The following RELN variants were observed in gnomAD, a reference collection of about 807,000 sequenced individuals.
RELN encodes the protein reelin.
In RELN, 108 loss-of-function variants were observed where a neutral mutation model predicts 427.6. The ratio of observed to expected loss-of-function variants is 0.25; its 90% CI spans 0.22 to 0.30. RELN has a LOEUF of 0.30. RELN is among the 10% of genes least tolerant of loss of function. The pLI is 1.00. For missense variants in RELN, 3,715 were observed against 4,302.8 expected (o/e 0.86, Z 3.82); for synonymous variants, 1,524 against 1,513.4 (o/e 1.01, Z -0.16).
At chr7:103,913,353 C>T (rs1468680347) in intron 2 of RELN, among the ~76,000 whole-genome samples, 4 of 152,126 alleles carry the variant, frequency 2.6e-5, no homozygotes, top group Non-Finnish European at 5.9e-5. Flanking sequence ...CTTTACTCTG[C>T]CTTATTTGTC....
intron 6 of RELN, among the ~76,000 whole-genome samples, chr7:103,742,110 A>G (rs1428242464): frequency 6.6e-6 from 1 of 152,190 alleles, no homozygotes; most frequent in Admixed American, 6.5e-5. Context: ...AGGTTCACCA[A>G]TATTTGCTGT....
chr7:103,511,352 T>G (rs1287099451), intron 50 of RELN, among the ~76,000 whole-genome samples: 1 of 152,212 alleles, frequency 6.6e-6, no homozygotes, highest in Non-Finnish European at 1.5e-5. Context: ...AGAGATGATT[T>G]TTAATTTTAA....
chr7:103,570,760 G>A (rs934311210), intron 31 of RELN, among the ~76,000 whole-genome samples: 1 of 152,206 alleles, frequency 6.6e-6, no homozygotes, highest in Non-Finnish European at 1.5e-5. Context: ...CTGGAATGAG[G>A]ACCTCGGATG....
intron 63 of RELN, 125 bp downstream of exon 63, chr7:103,482,748 G>A (rs2116975294): frequency 6.4e-7 from 1 of 1,550,898 alleles, no homozygotes; most frequent in Non-Finnish European, 8.7e-7. Flanking sequence ...AAGAGTGTAA[G>A]CCAAAGTGCT....
At chr7:103,707,175 T>G (rs1438628215) in intron 8 of RELN, among the ~76,000 whole-genome samples, 1 of 152,068 alleles carries the variant, frequency 6.6e-6, no homozygotes, top group Non-Finnish European at 1.5e-5. Context: ...TTTTTTCCCT[T>G]CACCACCACC....
rs3757743 is a variant in RELN, at chr7:103,659,174, A to G, written c.1441+2202T>C. On this transcript the variant is annotated intron_variant, in intron 12 of 64. Coordinates refer to ENST00000428762, the MANE Select transcript of RELN (RefSeq NM_005045.4). ...AAGCAACATCAAAATATTCTATTCC[A>G]CACTTACTCTCTTATACATATATTT... is the stretch of plus-strand genomic sequence containing the variant. Among the ~76,000 whole-genome samples the G allele has an allele frequency of 2.0e-5, 3 of 152,068 alleles. No individual in the cohort carries two copies. The East Asian group carries it at 5.8e-4, about 30-fold the overall frequency.
chr7:103,907,926 T>C (rs1383236204), intron 2 of RELN, among the ~76,000 whole-genome samples: 3 of 151,986 alleles, frequency 2.0e-5, no homozygotes, highest in African/African-American at 7.3e-5. Context: ...ATGCATTAGG[T>C]ATTTGTATTA....
intron 1 of RELN, among the ~76,000 whole-genome samples, chr7:103,967,484 G>A (rs558768903): frequency 2.0e-5 from 3 of 152,266 alleles, no homozygotes; most frequent in South Asian, 2.1e-4. Flanking sequence ...CCCAGATGGA[G>A]CAGGCCTTTT....
chr7:103,861,441 T>C (rs1042655394), intron 2 of RELN, among the ~76,000 whole-genome samples: 2 of 152,104 alleles, frequency 1.3e-5, no homozygotes, highest in African/African-American at 2.4e-5. Context: ...TATTTGGAAA[T>C]AGGTAAATTT....
intron 31 of RELN, among the ~76,000 whole-genome samples, chr7:103,568,981 T>A (rs1830822087): frequency 6.6e-6 from 1 of 152,212 alleles, no homozygotes; most frequent in African/African-American, 2.4e-5. Flanking sequence ...TCTTTGACAC[T>A]CTTCCGTTCA....
At chr7:103,762,382 T>A (rs1468626426) in intron 4 of RELN, among the ~76,000 whole-genome samples, 1 of 152,266 alleles carries the variant, frequency 6.6e-6, no homozygotes, top group African/African-American at 2.4e-5. Flanking sequence ...CTTTGCTTAG[T>A]ACCTCAAGTA....
At position 103,594,374 on chromosome 7, in the gene RELN, G is replaced by T; in HGVS notation, c.3658C>A (p.Leu1220Met). 6.2e-7 allele frequency: 1 copy of T among 1,614,002 alleles called. No individual in the cohort carries two copies. The highest frequency in any genetic ancestry group is 1.1e-5 in the South Asian group (1 of 91,080). Reference sequence around the variant, plus strand: ...ATGATCTGCTTCTGCTTCTCGGACAGAATGATGATGTCATCGACTGCCCAC... The same window carrying T: ...ATGATCTGCTTCTGCTTCTCGGACATAATGATGATGTCATCGACTGCCCAC... Reference protein sequence around the residue: ...DQWAVDDIIILSEKQKQIIPV... With the variant: ...DQWAVDDIIIMSEKQKQIIPV... The change falls in exon 26 of 65, where the codon CTG becomes ATG. Residue 1220 changes from leucine to methionine, a missense_variant. Leu to Met is a conservative substitution (Grantham distance 15). This residue lies in a region of RELN where 2,208 missense variants were observed against 2,361.7 expected (regional missense o/e 0.93). Coordinates refer to ENST00000428762, the MANE Select transcript of RELN (RefSeq NM_005045.4).
intron 1 of RELN, among the ~76,000 whole-genome samples, chr7:103,917,888 T>C (rs949445306): frequency 2.0e-5 from 3 of 152,134 alleles, no homozygotes; most frequent in Admixed American, 2.0e-4. Flanking sequence ...AATTTTATCT[T>C]GCTCACCACC....
chr7:103,713,865 C>T (rs1316695668), intron 8 of RELN, among the ~76,000 whole-genome samples: 1 of 152,152 alleles, frequency 6.6e-6, no homozygotes, highest in East Asian at 1.9e-4. Flanking sequence ...ATGAACAGCA[C>T]TGTAGAAAAA....
At chr7:103,495,631 A>C in intron 57 of RELN, 92 bp downstream of exon 57, 3 of 1,179,266 alleles carry the variant, frequency 2.5e-6, no homozygotes. Context: ...GAATAATATC[A>C]GTCATTTCCT....
At chr7:103,732,012 A>G (rs953655115) in intron 6 of RELN, among the ~76,000 whole-genome samples, 1 of 152,148 alleles carries the variant, frequency 6.6e-6, no homozygotes, top group African/African-American at 2.4e-5. Flanking sequence ...CAAGTGTTCC[A>G]CAGCCGTATG....
At chr7:103,473,132 A>C in intron 64 of RELN, 1 of 656,866 alleles carries the variant, frequency 1.5e-6, no homozygotes, top group Non-Finnish European at 2.9e-6. Context: ...CTGTCTTTTC[A>C]TGAGTGAGCT....
At chr7:103,559,789 G>A (rs140674305) in intron 36 of RELN, among the ~76,000 whole-genome samples, 60 of 152,326 alleles carry the variant, frequency 3.9e-4, no homozygotes, top group Non-Finnish European at 5.3e-4. Context: ...TGGAGGTTGA[G>A]AGGAAAGGTC....
intron 46 of RELN, among the ~76,000 whole-genome samples, chr7:103,529,323 A>T (rs2237622): frequency 0.83 from 125,966 of 152,094 alleles, 52,201 homozygotes; most frequent in African/African-American, 0.86. Context: ...CAAAGTGTAG[A>T]TAATCTTTAA....
Sources: allele counts gnomAD v4.1 joint callset (sites outside exome capture counted in the v4.1 genomes callset), GRCh38; gene constraint gnomAD v4.1.1; regional missense constraint gnomAD v4.1.1; transcripts MANE v1.5; gene names NCBI Gene and HGNC (gene_info 2026-07-23, HGNC 2026-07-21).